AVL9: variants seen among roughly 807,000 people sequenced by gnomAD.
AVL9 encodes the protein AVL9 cell migration associated, also known as late secretory pathway protein AVL9 homolog.
A neutral mutation model predicts 79.2 loss-of-function variants in AVL9; 49 were observed. The observed-to-expected ratio is 0.62, with a 90% CI of 0.49 to 0.79. The LOEUF (loss-of-function observed/expected upper bound fraction) is 0.79. AVL9 is among the 30% of genes least tolerant of loss of function. The probability of loss-of-function intolerance (pLI) is 0.00; values close to 1 mark genes in which losing one functional copy is unlikely to be tolerated. For missense variants in AVL9, 682 were observed against 776.8 expected (o/e 0.88, Z 1.45); for synonymous variants, 299 against 280.6 (o/e 1.07, Z -0.65).
chr7:32,570,183 GGCCCT>G (rs747008048), intron 11 of AVL9, 29 bp downstream of exon 11: 2 of 1,611,726 alleles, frequency 1.2e-6, no homozygotes, highest in Non-Finnish European at 1.7e-6. Flanking sequence ...GTGTGTATTT[GGCCCT>G]GCTCATCCCA....
Position 32,570,025 on chromosome 7 carries a change from T to A in AVL9, c.1221T>A (p.Tyr407Ter). 1 of 1,614,214 alleles carries A rather than the reference T, an allele frequency of 6.2e-7. No homozygotes were observed. Among genetic ancestry groups the A allele is most frequent in the Admixed American group, 1.7e-5 (1 of 60,038 alleles). Residue 407 changes from tyrosine to a stop codon, truncating the protein, a stop_gained, in exon 11 of 16, where the codon TAT (tyrosine) becomes TAA (stop). Coordinates refer to ENST00000318709, the MANE Select transcript of AVL9 (RefSeq NM_015060.3). LOFTEE classifies it high-confidence loss of function. The stretch of plus-strand genomic sequence containing the variant: ...ATTACTCTTCTAATTCATAGGGATA[T>A]CTGTGTTTGCCTTACATGGCATTGC... ...GMPLAIFTKGYLCLPYMALQQ... is the reference protein window; with the variant it reads ...GMPLAIFTKG
intron 1 of AVL9, among the ~76,000 whole-genome samples, chr7:32,524,557 CAG>C (rs36059578): frequency 0.036 from 1,259 of 35,138 alleles, 5 homozygotes; most frequent in East Asian, 0.14. Flanking sequence ...CACACACACA[CAG>C]AGAGAAAAGA....
chr7:32,572,267 A>G (rs1013111077), intron 11 of AVL9, among the ~76,000 whole-genome samples: 2 of 151,392 alleles, frequency 1.3e-5, no homozygotes, highest in African/African-American at 2.5e-5. Flanking sequence ...ATATAATGAA[A>G]GTCCAGGATT....
chr7:32,545,364 C>CTTTTTTTT lies in AVL9; in HGVS notation c.300+603_300+610dup, dbSNP rs10610945. ...GCTGTCCTATTTATCTCTAAGATTT[C>CTTTTTTTT]TTTTTTTTTTTTTTTTTTTTTTTTT... is the stretch of plus-strand genomic sequence containing the variant. On this transcript the variant is annotated intron_variant, in intron 3 of 15. Coordinates refer to ENST00000318709, the MANE Select transcript of AVL9 (RefSeq NM_015060.3). Among the ~76,000 whole-genome samples the CTTTTTTTT allele has an allele frequency of 4.9e-4, 36 of 73,348 alleles. 3 individuals carry two copies. Among genetic ancestry groups the CTTTTTTTT allele is most frequent in the Admixed American group, 1.2e-3 (5 of 4,220 alleles). The allele number at this position is 73,348 out of a possible 152,430, so 48.1% of individuals were successfully genotyped here.
intron 1 of AVL9, among the ~76,000 whole-genome samples, chr7:32,497,990 G>A (rs1170648871): frequency 6.6e-6 from 1 of 152,114 alleles, no homozygotes; most frequent in Non-Finnish European, 1.5e-5. Context: ...ATTGTGCATA[G>A]GGAAGATTCC....
In AVL9 at chr7:32,584,848, C is replaced by T. The variant is rs1791704303; in HGVS notation, c.*941C>T. On this transcript the variant is annotated 3_prime_UTR_variant, in exon 16 of 16. Coordinates refer to ENST00000318709, the MANE Select transcript of AVL9 (RefSeq NM_015060.3). ...GCAGTGGTGCCATCTCGGCTCACTG[C>T]AACCTCCATCTCCCGGGTTCAAGCA... 1 of 144,840 alleles carries T rather than the reference C, an allele frequency of 6.9e-6. No individual in the cohort carries two copies. The highest frequency in any genetic ancestry group is 1.5e-5 in the Non-Finnish European group (1 of 67,060). The allele number at this position is 144,840 out of a possible 1,614,324, so 9.0% of individuals were successfully genotyped here.
intron 1 of AVL9, among the ~76,000 whole-genome samples, chr7:32,516,827 C>A (rs1787922814): frequency 6.6e-6 from 1 of 151,378 alleles, no homozygotes; most frequent in South Asian, 2.1e-4. Context: ...GAGAATGACT[C>A]CCTTTCAGGC....
intron 1 of AVL9, among the ~76,000 whole-genome samples, chr7:32,539,937 C>T (rs4475379): frequency 0.25 from 37,920 of 152,120 alleles, 5,630 homozygotes; most frequent in Admixed American, 0.43. Flanking sequence ...CTTATAAGGA[C>T]TCTGTGATTA....
intron 1 of AVL9, among the ~76,000 whole-genome samples, chr7:32,528,878 C>T (rs1166464991): frequency 4.0e-5 from 6 of 151,868 alleles, no homozygotes; most frequent in Non-Finnish European, 8.8e-5. Flanking sequence ...GGCATGGTGG[C>T]GGGCGCCTGT....
chr7:32,525,086 G>C (rs563162537), intron 1 of AVL9, among the ~76,000 whole-genome samples: 1 of 152,292 alleles, frequency 6.6e-6, no homozygotes, highest in Non-Finnish European at 1.5e-5. Context: ...TGTTTGGCTC[G>C]TGAATGGCAG....
At chr7:32,524,668 A>G (rs62467585) in intron 1 of AVL9, among the ~76,000 whole-genome samples, 7,560 of 152,138 alleles carry the variant, frequency 0.05, 248 homozygotes, top group East Asian at 0.11. Flanking sequence ...AATTGGACAC[A>G]CTAAATGGGA....
chr7:32,511,924 CAG>C (rs1383003074), intron 1 of AVL9, among the ~76,000 whole-genome samples: 2 of 152,174 alleles, frequency 1.3e-5, no homozygotes, highest in Non-Finnish European at 2.9e-5. Flanking sequence ...CCAAACGAGT[CAG>C]AATGAATAAC....
At chr7:32,543,317 A>G in intron 2 of AVL9, 56 bp downstream of exon 2, 2 of 1,595,650 alleles carry the variant, frequency 1.3e-6, no homozygotes, top group Non-Finnish European at 1.7e-6. Flanking sequence ...ATTTGCCAAG[A>G]TATCTTAGGT....
intron 1 of AVL9, among the ~76,000 whole-genome samples, chr7:32,519,863 G>A (rs1309462222): frequency 6.6e-6 from 1 of 152,212 alleles, no homozygotes; most frequent in Admixed American, 6.5e-5. Flanking sequence ...GGAGGCCTCA[G>A]GAAACTTACA....
intron 1 of AVL9, among the ~76,000 whole-genome samples, chr7:32,506,327 G>A (rs964995304): frequency 3.9e-5 from 6 of 152,068 alleles, no homozygotes; most frequent in Admixed American, 6.6e-5. Context: ...GGGCTTTGGG[G>A]TCATTATTAA....
At chr7:32,568,437 G>C (rs1484504552) in intron 10 of AVL9, among the ~76,000 whole-genome samples, 1 of 152,162 alleles carries the variant, frequency 6.6e-6, no homozygotes, top group African/African-American at 2.4e-5. Context: ...CTGACCTCAA[G>C]TGATCCGCCT....
At chr7:32,551,878 G>C (rs1055075072) in intron 5 of AVL9, among the ~76,000 whole-genome samples, 4 of 152,048 alleles carry the variant, frequency 2.6e-5, no homozygotes, top group Non-Finnish European at 1.5e-5. Flanking sequence ...ATCTCTCTTG[G>C]ATTCTGGTGG....
At chr7:32,534,330 TC>T (rs746894366) in intron 1 of AVL9, 1 of 152,214 alleles carries the variant, frequency 6.6e-6, no homozygotes, top group South Asian at 2.1e-4. Context: ...TAGCAGCCTT[TC>T]TGGGGATATT....
intron 1 of AVL9, among the ~76,000 whole-genome samples, chr7:32,542,154 C>G (rs1789239423): frequency 6.8e-6 from 1 of 147,944 alleles, no homozygotes. Flanking sequence ...GTGGTGATAT[C>G]AAGGGTGGGA....
Sources: gnomAD v4.1 joint callset for allele counts (sites outside exome capture counted in the v4.1 genomes callset) on GRCh38, gnomAD v4.1.1 for gene constraint, MANE v1.5 for transcripts, NCBI Gene and HGNC (gene_info 2026-07-23, HGNC 2026-07-21) for gene names.